Variants in PLCL2 observed in about 807,000 individuals in gnomAD.
PLCL2 encodes the protein phospholipase C like 2.
Under a neutral mutation model 79.6 loss-of-function variants are expected in PLCL2, and 4 were observed. The ratio of observed to expected loss-of-function variants is 0.05; its 90% CI spans 0.02 to 0.11. PLCL2 has a LOEUF of 0.11. Ranked by LOEUF, PLCL2 falls within the 10% of genes least tolerant of loss-of-function variation. The pLI, the probability that PLCL2 is intolerant of heterozygous loss-of-function variation, is 1.00. For missense variants in PLCL2, 895 were observed against 1,291.0 expected (o/e 0.69, Z 4.70); for synonymous variants, 484 against 457.7 (o/e 1.06, Z -0.73).
intron 3 of PLCL2, among the ~76,000 whole-genome samples, chr3:17,037,591 C>T (rs1417977686): frequency 1.3e-5 from 2 of 151,940 alleles, no homozygotes; most frequent in East Asian, 3.9e-4. Context: ...GCAGGACAGG[C>T]AAAGAAAGCA....
intron 4 of PLCL2, among the ~76,000 whole-genome samples, chr3:17,044,639 A>G (rs770765939): frequency 1.3e-5 from 2 of 152,204 alleles, no homozygotes; most frequent in Non-Finnish European, 2.9e-5. Context: ...TGCACAGAGT[A>G]GTTGCCCAAA....
At chr3:17,036,073 G>T (rs1051696174) in intron 3 of PLCL2, among the ~76,000 whole-genome samples, 1 of 152,150 alleles carries the variant, frequency 6.6e-6, no homozygotes, top group African/African-American at 2.4e-5. Context: ...TATTTAGAAA[G>T]TGTTTTCATA....
chr3:16,982,341 T>A (rs1208942229), intron 1 of PLCL2, among the ~76,000 whole-genome samples: 1 of 152,216 alleles, frequency 6.6e-6, no homozygotes, highest in East Asian at 1.9e-4. Context: ...GAGAATTCTG[T>A]GAGAGCTTCT....
chr3:16,969,692 A>G (rs938627747), intron 1 of PLCL2, among the ~76,000 whole-genome samples: 14 of 151,652 alleles, frequency 9.2e-5, no homozygotes, highest in African/African-American at 2.7e-4. Context: ...CAAATAACCA[A>G]CTCCTGGATT....
intron 3 of PLCL2, among the ~76,000 whole-genome samples, chr3:17,019,355 T>C (rs973068711): frequency 5.3e-5 from 8 of 152,296 alleles, no homozygotes; most frequent in African/African-American, 1.7e-4. Flanking sequence ...TGGAGTGAAA[T>C]AGAACTCAGA....
At chr3:16,983,612 GTGAGTCGAGAAGAAAACTCTGTCT>G (rs2064021255) in intron 1 of PLCL2, among the ~76,000 whole-genome samples, 1 of 152,206 alleles carries the variant, frequency 6.6e-6, no homozygotes, top group South Asian at 2.1e-4. Context: ...GGAGGTTGCA[GTGAGTCGAGAAGAAAACTCTGTCT>G]CAAAAAAACA....
intron 1 of PLCL2, among the ~76,000 whole-genome samples, chr3:17,001,730 G>A (rs1041866328): frequency 2.6e-5 from 4 of 152,018 alleles, no homozygotes; most frequent in Non-Finnish European, 5.9e-5. Flanking sequence ...TTTGATGCCC[G>A]TACCATGCTG....
At chr3:16,895,694 A>G (rs1696463628) in intron 1 of PLCL2, among the ~76,000 whole-genome samples, 2 of 152,208 alleles carry the variant, frequency 1.3e-5, no homozygotes, top group Admixed American at 1.3e-4. Context: ...ACAGTCCCAA[A>G]TTGAAAGCAA....
chr3:17,073,847 G>A (rs2065085581), intron 5 of PLCL2, among the ~76,000 whole-genome samples: 1 of 152,068 alleles, frequency 6.6e-6, no homozygotes, highest in Non-Finnish European at 1.5e-5. Flanking sequence ...ACCTCTTCAG[G>A]CTCTATTTCT....
At chr3:16,923,103 C>G (rs1056742391) in intron 1 of PLCL2, among the ~76,000 whole-genome samples, 1 of 152,178 alleles carries the variant, frequency 6.6e-6, no homozygotes, top group Admixed American at 6.5e-5. Context: ...AACCACCAAC[C>G]AGCCATTAAA....
intron 1 of PLCL2, among the ~76,000 whole-genome samples, chr3:16,885,767 C>T (rs1696206517): frequency 6.6e-6 from 1 of 152,130 alleles, no homozygotes; most frequent in Non-Finnish European, 1.5e-5. Flanking sequence ...TCTTAAAAAT[C>T]CCAGGCGGCG....
intron 4 of PLCL2, among the ~76,000 whole-genome samples, chr3:17,062,447 C>T (rs557178431): frequency 1.3e-5 from 2 of 152,172 alleles, no homozygotes; most frequent in South Asian, 4.2e-4. Flanking sequence ...TAACTGTTAC[C>T]TCTTGTCTTA....
rs186626448 is a variant in PLCL2 at position 16,974,045 on chromosome 3, T to A, written c.328-35629T>A. On this transcript the variant is annotated intron_variant, in intron 1 of 5. Transcript: ENST00000615277. Reference sequence around the variant, plus strand: ...AGAGAAGAGAATAAGGAAAGGGCATTCTAGGCAACTAGAACAGAATAAGCA... The same window carrying A: ...AGAGAAGAGAATAAGGAAAGGGCATACTAGGCAACTAGAACAGAATAAGCA... Among the ~76,000 whole-genome samples the A allele has an allele frequency of 1.9e-4, 29 of 152,196 alleles. No individual in the cohort carries two copies. The East Asian group carries it at 5.4e-3, about 28-fold the overall frequency.
intron 1 of PLCL2, among the ~76,000 whole-genome samples, chr3:16,900,652 G>C (rs991366068): frequency 7.2e-5 from 11 of 152,320 alleles, no homozygotes; most frequent in African/African-American, 2.6e-4. Context: ...TATTTGCATA[G>C]CTCTTTCATC....
At chr3:16,987,119 T>C (rs1367923282) in intron 1 of PLCL2, among the ~76,000 whole-genome samples, 1 of 151,968 alleles carries the variant, frequency 6.6e-6, no homozygotes, top group African/African-American at 2.4e-5. Context: ...GAATAAATTA[T>C]TATCCTTGTG....
chr3:16,996,508 G>A (rs1013333175), intron 1 of PLCL2, among the ~76,000 whole-genome samples: 1 of 152,098 alleles, frequency 6.6e-6, no homozygotes, highest in Non-Finnish European at 1.5e-5. Context: ...ATAAATTTGA[G>A]CTATATATGA....
chr3:17,031,438 A>G (rs11926221), intron 3 of PLCL2, among the ~76,000 whole-genome samples: 5,077 of 152,254 alleles, frequency 0.033, 276 homozygotes, highest in African/African-American at 0.12. Flanking sequence ...ATGTCTGCAG[A>G]GAATACTTGA....
intron 1 of PLCL2, among the ~76,000 whole-genome samples, chr3:16,994,339 T>C (rs983111055): frequency 5.3e-5 from 8 of 152,304 alleles, no homozygotes; most frequent in African/African-American, 1.9e-4. Context: ...GACGTTTTTA[T>C]TGATTTCTTA....
At chr3:16,931,106 G>C (rs1338850329) in intron 1 of PLCL2, among the ~76,000 whole-genome samples, 1 of 151,380 alleles carries the variant, frequency 6.6e-6, no homozygotes, top group African/African-American at 2.4e-5. Context: ...ATTCCTCTCT[G>C]AACCTCCTTC....
Sources: gnomAD v4.1 joint callset for allele counts (sites outside exome capture counted in the v4.1 genomes callset) on GRCh38, gnomAD v4.1.1 for gene constraint, MANE v1.5 for transcripts, NCBI Gene and HGNC (gene_info 2026-07-23, HGNC 2026-07-21) for gene names.